The following LMBR1 variants were observed in gnomAD, a reference collection of about 807,000 sequenced individuals.
LMBR1 encodes the protein limb development membrane protein 1, also known as limb region 1 protein homolog.
Under a neutral mutation model 73.9 loss-of-function variants are expected in LMBR1, and 52 were observed. That is an observed-to-expected ratio of 0.70 (90% CI 0.56 to 0.89). The LOEUF (loss-of-function observed/expected upper bound fraction) is 0.89. Among genes scored for constraint, LMBR1 ranks in the 40% least tolerant of loss-of-function variants. The probability of loss-of-function intolerance (pLI) is 0.00; values close to 1 mark genes in which losing one functional copy is unlikely to be tolerated. For missense variants in LMBR1, 539 were observed against 579.8 expected, an observed-to-expected ratio of 0.93 and a Z score of 0.72; for synonymous variants, 215 against 209.4, an observed-to-expected ratio of 1.03 and a Z score of -0.23.
At chr7:156,718,560 C>CA (rs1053372658) in intron 15 of LMBR1, among the ~76,000 whole-genome samples, 6 of 151,938 alleles carry the variant, frequency 3.9e-5, no homozygotes, top group South Asian at 4.2e-4. Flanking sequence ...CCCGTCTCTA[C>CA]AAAAAAATAC....
chr7:156,766,320 T>C (rs1017156223), intron 5 of LMBR1, among the ~76,000 whole-genome samples: 1 of 152,152 alleles, frequency 6.6e-6, no homozygotes, highest in Admixed American at 6.5e-5. Flanking sequence ...ACAGGGTTGC[T>C]TGCAGCCCGA....
rs75853117 is a variant in LMBR1 at position 156,683,987 on chromosome 7, G to A, written c.*91C>T. The A allele has an allele frequency of 5.9e-3, 6,183 of 1,055,558 alleles. 252 individuals are homozygous for A. In the African/African-American group the frequency reaches 0.087, roughly 15 times the overall value. 65.4% of individuals were successfully genotyped at this position (1,055,558 alleles called of 1,614,324 possible). ...GGTCTAGGTTCTGAAGAGGGGCCAC[G>A]GTTGAATGGAAATGCTTCTACATGG... is the stretch of plus-strand genomic sequence containing the variant. On this transcript the variant is annotated 3_prime_UTR_variant, in exon 17 of 17. Coordinates refer to ENST00000353442, the MANE Select transcript of LMBR1 (RefSeq NM_022458.4).
chr7:156,768,079 C>G (rs889103019), intron 5 of LMBR1, among the ~76,000 whole-genome samples: 2 of 152,048 alleles, frequency 1.3e-5, no homozygotes, highest in African/African-American at 4.8e-5. Flanking sequence ...ATTCTTTATA[C>G]AATATTTAAA....
At chr7:156,751,378 C>T (rs1820841038) in intron 9 of LMBR1, among the ~76,000 whole-genome samples, 2 of 151,986 alleles carry the variant, frequency 1.3e-5, no homozygotes, top group Non-Finnish European at 2.9e-5. Flanking sequence ...TAAAAATGCC[C>T]CAAGGGAAGG....
chr7:156,827,904 T>C (rs534888003), intron 3 of LMBR1, among the ~76,000 whole-genome samples: 7 of 152,038 alleles, frequency 4.6e-5, no homozygotes, highest in Non-Finnish European at 8.8e-5. Context: ...TTAAGAAAAA[T>C]ACAACTGATA....
At chr7:156,672,688 A>G (rs888487005) in intron 4 of LMBR1, among the ~76,000 whole-genome samples, 3 of 152,220 alleles carry the variant, frequency 2.0e-5, no homozygotes, top group Non-Finnish European at 4.4e-5. Flanking sequence ...ATATGCACAC[A>G]CAGGTGACAC....
chr7:156,722,473 G>C (rs1472516923), intron 15 of LMBR1, among the ~76,000 whole-genome samples: 1 of 152,070 alleles, frequency 6.6e-6, no homozygotes, highest in Non-Finnish European at 1.5e-5. Context: ...CTAAAATAAA[G>C]CTTTTTCTTT....
intron 15 of LMBR1, among the ~76,000 whole-genome samples, chr7:156,691,717 G>A (rs550900113): frequency 9.2e-5 from 14 of 151,808 alleles, no homozygotes; most frequent in Non-Finnish European, 1.8e-4. Flanking sequence ...AAGATTACCA[G>A]AAAGAACACG....
chr7:156,677,501 T>C (rs1220576477), downstream of LMBR1, among the ~76,000 whole-genome samples: 2 of 152,128 alleles, frequency 1.3e-5, no homozygotes, highest in Admixed American at 6.5e-5. Flanking sequence ...CAGGAGGACA[T>C]TGTTCCAGGC....
At chr7:156,886,380 GAATA>G (rs1243672753) in intron 1 of LMBR1, among the ~76,000 whole-genome samples, 9 of 152,330 alleles carry the variant, frequency 5.9e-5, no homozygotes, top group Middle Eastern at 3.4e-3. Flanking sequence ...CATGCAGGCT[GAATA>G]AACATGTATG....
At position 156,816,750 on chromosome 7, in the gene LMBR1, A is replaced by G. The variant is rs555541266; in HGVS notation, c.319+9855T>C. Among the ~76,000 whole-genome samples, 7 of 152,310 alleles carry G rather than the reference A, an allele frequency of 4.6e-5. No individual in the cohort carries two copies. The South Asian group carries it at 1.4e-3, about 32-fold the overall frequency. On this transcript the variant is annotated intron_variant, in intron 4 of 16. Coordinates refer to ENST00000353442, the MANE Select transcript of LMBR1 (RefSeq NM_022458.4). ...ATCTAAGATATATTGCTAAGTAGTA[A>G]TTACATTCTTGGCAATTTTGCAAAG...
chr7:156,739,474 C>T (rs1032349870), intron 9 of LMBR1, among the ~76,000 whole-genome samples: 1 of 152,190 alleles, frequency 6.6e-6, no homozygotes, highest in Non-Finnish European at 1.5e-5. Flanking sequence ...GCAGTGTTTA[C>T]AGTGGGCTTT....
chr7:156,884,715 A>G (rs1801613033), intron 1 of LMBR1, among the ~76,000 whole-genome samples: 1 of 152,188 alleles, frequency 6.6e-6, no homozygotes, highest in South Asian at 2.1e-4. Flanking sequence ...AATTTGTCCA[A>G]CTACAGGTGT....
At chr7:156,694,851 G>A (rs979945468) in intron 15 of LMBR1, among the ~76,000 whole-genome samples, 10 of 152,058 alleles carry the variant, frequency 6.6e-5, no homozygotes, top group Admixed American at 2.6e-4. Context: ...TAATAAACTC[G>A]ACAACTTAGA....
intron 15 of LMBR1, among the ~76,000 whole-genome samples, chr7:156,706,001 A>G (rs570043786): frequency 3.6e-4 from 55 of 152,322 alleles, no homozygotes; most frequent in African/African-American, 1.3e-3. Context: ...ATGGATAGAG[A>G]AAAACATGAT....
chr7:156,853,414 A>G (rs1238738445), intron 1 of LMBR1, among the ~76,000 whole-genome samples: 1 of 152,192 alleles, frequency 6.6e-6, no homozygotes, highest in Non-Finnish European at 1.5e-5. Flanking sequence ...TAAAAGAAAA[A>G]AAAAAGCACT....
At chr7:156,749,578 A>G (rs948799259) in intron 9 of LMBR1, among the ~76,000 whole-genome samples, 3 of 152,168 alleles carry the variant, frequency 2.0e-5, no homozygotes, top group African/African-American at 7.2e-5. Flanking sequence ...CAATCCCTTT[A>G]TTTTTATTTT....
chr7:156,718,273 G>A (rs1288518470), intron 15 of LMBR1, among the ~76,000 whole-genome samples: 2 of 151,736 alleles, frequency 1.3e-5, no homozygotes, highest in South Asian at 2.1e-4. Context: ...GGTGGCAGGC[G>A]CCTGTAATCC....
At chr7:156,892,401 G>A (rs1803190472) in intron 1 of LMBR1, 1 of 152,102 alleles carries the variant, frequency 6.6e-6, no homozygotes, top group African/African-American at 2.4e-5. Flanking sequence ...GCTCCGCGCA[G>A]CCCGGCCCTT....
Sources: allele counts gnomAD v4.1 joint callset (sites outside exome capture counted in the v4.1 genomes callset), GRCh38; gene constraint gnomAD v4.1.1; transcripts MANE v1.5; gene names NCBI Gene and HGNC (gene_info 2026-07-23, HGNC 2026-07-21).